MTERF4: variants seen among roughly 807,000 people sequenced by gnomAD.
MTERF4 encodes transcription termination factor 4, mitochondrial.
Under a neutral mutation model 22.5 loss-of-function variants are expected in MTERF4, and 17 were observed. The ratio of observed to expected loss-of-function variants is 0.75; its 90% CI spans 0.52 to 1.13. MTERF4 has a LOEUF of 1.13. MTERF4 is among the 50% of genes most tolerant of loss of function. The probability of loss-of-function intolerance (pLI) is 0.00; values close to 1 mark genes in which losing one functional copy is unlikely to be tolerated. For missense variants in MTERF4, 420 were observed against 466.8 expected (o/e 0.90, Z 0.92); for synonymous variants, 165 against 175.3 (o/e 0.94, Z 0.47).
At chr2:241,051,128 C>T in the MTERF4 span, 2 of 152,408 alleles carry the variant, frequency 1.3e-5, no homozygotes, top group Admixed American at 1.3e-4. The surrounding 1 kb of genome is among the most constrained non-coding windows in gnomAD (Gnocchi z 4.7). Flanking sequence ...TCAGAACACC[C>T]AGGGGTCCAA....
downstream of MTERF4, chr2:241,071,709 C>CCCCCCCCCCCCGGG: frequency 6.8e-7 from 1 of 1,478,362 alleles, no homozygotes; most frequent in Non-Finnish European, 9.1e-7. Flanking sequence ...AGACCCCCAC[C>CCCCCCCCCCCCGGG]CAGCCCCCCA....
chr2:241,084,682 T>C (rs1037974404), downstream of MTERF4, among the ~76,000 whole-genome samples: 3 of 152,220 alleles, frequency 2.0e-5, no homozygotes, highest in Non-Finnish European at 4.4e-5. Context: ...GTAAAGTATT[T>C]TGTATTTATT....
chr2:241,099,255 A>T, intron 2 of MTERF4, 141 bp downstream of exon 2: 2 of 895,936 alleles, frequency 2.2e-6, no homozygotes, highest in Non-Finnish European at 3.3e-6. Context: ...TTCTATTTTT[A>T]GTTGAGTCAG....
chr2:241,088,935 C>T (rs2125338431), downstream of MTERF4: 1 of 215,332 alleles, frequency 4.6e-6, no homozygotes, highest in East Asian at 1.2e-4. Flanking sequence ...GTGTTGAAGA[C>T]CGCCGCTAGA....
In MTERF4 at chr2:241,073,703, C is replaced by T. The variant is rs1575073203; in HGVS notation, n.2459G>A. 4.4e-6 allele frequency: 2 copies of T among 454,452 alleles called. No homozygotes were observed. Among genetic ancestry groups the T allele is most frequent in the East Asian group, 3.3e-5 (1 of 30,228 alleles). 28.2% of individuals were successfully genotyped at this position (454,452 alleles called of 1,614,324 possible). Reference sequence around the variant, plus strand: ...CCACCCCAGCCCCTGCCTCTGGGCCCCTCACCCCTCACTTCTCCAAAGAGG... The same window carrying T: ...CCACCCCAGCCCCTGCCTCTGGGCCTCTCACCCCTCACTTCTCCAAAGAGG... On this transcript the variant is annotated non_coding_transcript_exon_variant, in exon 5 of 5. Transcript: ENST00000464344. This position sits in a 1 kb window ranked among gnomAD's most constrained non-coding sequence, Gnocchi z 6.6.
chr2:241,088,737 C>T (rs568278458), downstream of MTERF4: 3 of 332,560 alleles, frequency 9.0e-6, no homozygotes, highest in East Asian at 5.8e-5. Context: ...GGGGGGTGGG[C>T]CCTTGGAGAG....
At chr2:241,094,351 G>A (rs115811215), downstream of MTERF4, 1,277 of 470,738 alleles carry the variant, frequency 2.7e-3, 2 homozygotes, top group African/African-American at 7.2e-3. The surrounding 1 kb of genome is among the most constrained non-coding windows in gnomAD (Gnocchi z 4.3). Context: ...CAACTGTGGC[G>A]ATGTGGACGG....
chr2:241,053,106 G>A, the MTERF4 span: 1 of 1,564,522 alleles, frequency 6.4e-7, no homozygotes, highest in Admixed American at 1.8e-5. Context: ...GTGGGGAGGG[G>A]CCAGGAAGGC....
At chr2:241,084,983 A>ACTATTCTT (rs2063510069), downstream of MTERF4, among the ~76,000 whole-genome samples, 1 of 152,182 alleles carries the variant, frequency 6.6e-6, no homozygotes. Flanking sequence ...CCAGACAAGA[A>ACTATTCTT]GACTGCAGTC....
chr2:241,071,679 C>G, downstream of MTERF4: 1 of 1,548,760 alleles, frequency 6.5e-7, no homozygotes, highest in Non-Finnish European at 8.7e-7. Flanking sequence ...TGCGCCTGCT[C>G]AATGACCACA....
At chr2:241,056,907 C>A in the MTERF4 span, among the ~76,000 whole-genome samples, 1 of 152,122 alleles carries the variant, frequency 6.6e-6, no homozygotes, top group East Asian at 1.9e-4. Context: ...TAAAAAACAG[C>A]ATCAGAGATC....
At chr2:241,044,376 AGAGT>A in the MTERF4 span, among the ~76,000 whole-genome samples, 1 of 152,246 alleles carries the variant, frequency 6.6e-6, no homozygotes, top group African/African-American at 2.4e-5. Context: ...TGAAAAAGAT[AGAGT>A]AAGCACAGTC....
chr2:241,073,116 G>A lies in MTERF4; in HGVS notation n.3046C>T. ...GCCCTTCAGGGGAGGCAGCTCTGGG[G>A]CCGACAGGTGCTGGGGCCACGCAGG... On this transcript the variant is annotated non_coding_transcript_exon_variant, in exon 5 of 5. Transcript: ENST00000464344. This position sits in a 1 kb window ranked among gnomAD's most constrained non-coding sequence, Gnocchi z 6.6. 3.3e-6 allele frequency: 2 copies of A among 609,346 alleles called. No homozygotes were observed. Among genetic ancestry groups the A allele is most frequent in the Non-Finnish European group, 2.9e-6 (1 of 345,468 alleles). The allele number at this position is 609,346 out of a possible 1,614,324, so 37.7% of individuals were successfully genotyped here.
chr2:241,068,202 G>T (rs2062544610), downstream of MTERF4, among the ~76,000 whole-genome samples: 1 of 152,182 alleles, frequency 6.6e-6, no homozygotes, highest in African/African-American at 2.4e-5. The surrounding 1 kb of genome is among the most constrained non-coding windows in gnomAD (Gnocchi z 5.3). Context: ...AGCAGGAAAA[G>T]CTCAGAAAAT....
At chr2:241,065,693 C>T in the MTERF4 span, 3 of 1,031,774 alleles carry the variant, frequency 2.9e-6, no homozygotes, top group African/African-American at 3.2e-5. Flanking sequence ...GCCGTCCACC[C>T]TCCTAGTTCT....
At chr2:241,054,045 C>T in the MTERF4 span, among the ~76,000 whole-genome samples, 3 of 152,184 alleles carry the variant, frequency 2.0e-5, no homozygotes, top group Non-Finnish European at 2.9e-5. Flanking sequence ...CCACATGCCC[C>T]GCAAAGCCAA....
At position 241,073,217 on chromosome 2, in the gene MTERF4, C is replaced by G; in HGVS notation, n.2945G>C. On this transcript the variant is annotated non_coding_transcript_exon_variant, in exon 5 of 5. Transcript: ENST00000464344. This position sits in a 1 kb window ranked among gnomAD's most constrained non-coding sequence, Gnocchi z 6.6. ...TCAAAAGGGTGGCCCCAGGACCATC[C>G]CGGGTGCAAAGCAGCTGCGCCGTGT... The G allele has an allele frequency of 7.1e-7, 1 of 1,409,896 alleles. No individual in the cohort carries two copies. The highest frequency in any genetic ancestry group is 9.8e-7 in the Non-Finnish European group (1 of 1,021,252). The allele number at this position is 1,409,896 out of a possible 1,614,324, so 87.3% of individuals were successfully genotyped here.
chr2:241,084,477 C>T (rs1452629331), downstream of MTERF4, among the ~76,000 whole-genome samples: 1 of 152,076 alleles, frequency 6.6e-6, no homozygotes, highest in Non-Finnish European at 1.5e-5. Flanking sequence ...ATTTACCATA[C>T]ACATCTTCAA....
At chr2:241,055,027 G>A in the MTERF4 span, among the ~76,000 whole-genome samples, 1 of 152,108 alleles carries the variant, frequency 6.6e-6, no homozygotes, top group African/African-American at 2.4e-5. Flanking sequence ...TGAGGCAGGA[G>A]AATCGCTTGA....
Sources: gnomAD v4.1 joint callset for allele counts (sites outside exome capture counted in the v4.1 genomes callset) on GRCh38, gnomAD v4.1.1 for gene constraint, Gnocchi (gnomAD v3.1) non-coding constraint, MANE v1.5 for transcripts, NCBI Gene and HGNC (gene_info 2026-07-23, HGNC 2026-07-21) for gene names.